The following TSPAN9 variants were observed in gnomAD, a reference collection of about 807,000 sequenced individuals.
TSPAN9 encodes the protein tetraspanin 9.
Under a neutral mutation model 31.0 loss-of-function variants are expected in TSPAN9, and 16 were observed. The observed-to-expected ratio is 0.52, with a 90% CI of 0.35 to 0.78. The LOEUF (loss-of-function observed/expected upper bound fraction) is 0.78. Among genes scored for constraint, TSPAN9 ranks in the 30% least tolerant of loss-of-function variants. The pLI, the probability that TSPAN9 is intolerant of heterozygous loss-of-function variation, is 0.01. For synonymous variants in TSPAN9, 145 were observed against 121.6 expected, an observed-to-expected ratio of 1.19 and a Z score of -1.27; for missense variants, 272 against 312.5, an observed-to-expected ratio of 0.87 and a Z score of 0.98.
chr12:3,095,616 GC>G, intron 2 of TSPAN9, among the ~76,000 whole-genome samples: 1 of 111,272 alleles, frequency 9.0e-6, no homozygotes, highest in East Asian at 2.6e-4. Context: ...GGGGCGGCTG[GC>G]CGGGCGGAGG....
At chr12:3,163,939 C>T (rs1436878317) in intron 2 of TSPAN9, among the ~76,000 whole-genome samples, 1 of 152,228 alleles carries the variant, frequency 6.6e-6, no homozygotes, top group Non-Finnish European at 1.5e-5. Context: ...GATTAGGCAG[C>T]TCTCTCTGTT....
At chr12:3,178,657 A>T (rs538651673) in intron 2 of TSPAN9, among the ~76,000 whole-genome samples, 1 of 152,154 alleles carries the variant, frequency 6.6e-6, no homozygotes, top group South Asian at 2.1e-4. Context: ...CTCCATAAAC[A>T]TCTCTTCTTC....
intron 2 of TSPAN9, among the ~76,000 whole-genome samples, chr12:3,092,198 A>T (rs2098305092): frequency 6.6e-6 from 1 of 152,066 alleles, no homozygotes; most frequent in South Asian, 2.1e-4. Context: ...AGAAGCGGAG[A>T]CCTGCCAGGC....
chr12:3,232,618 C>T (rs1210491362), intron 3 of TSPAN9, among the ~76,000 whole-genome samples: 3 of 152,238 alleles, frequency 2.0e-5, no homozygotes, highest in African/African-American at 7.2e-5. Context: ...CTTGCAGTTC[C>T]TACCTCTAGC....
intron 3 of TSPAN9, among the ~76,000 whole-genome samples, chr12:3,213,203 C>T (rs1591681193): frequency 6.6e-6 from 1 of 152,092 alleles, no homozygotes; most frequent in Non-Finnish European, 1.5e-5. Context: ...TGTGGCTGGG[C>T]GGGCAACCTG....
intron 2 of TSPAN9, among the ~76,000 whole-genome samples, chr12:3,120,587 A>G (rs2098324587): frequency 6.6e-6 from 1 of 151,544 alleles, no homozygotes. Flanking sequence ...TCATCTCTCT[A>G]CCTATTGATG....
intron 2 of TSPAN9, among the ~76,000 whole-genome samples, chr12:3,096,743 A>G (rs1565574194): frequency 6.6e-6 from 1 of 151,016 alleles, no homozygotes; most frequent in African/African-American, 2.4e-5. Context: ...TGTCGCCCGG[A>G]GTGCAATGGC....
At chr12:3,156,141 C>G (rs1203355094) in intron 2 of TSPAN9, among the ~76,000 whole-genome samples, 3 of 152,200 alleles carry the variant, frequency 2.0e-5, no homozygotes, top group Non-Finnish European at 4.4e-5. Flanking sequence ...AGCCTCCTCC[C>G]CAGCCTGTGT....
At chr12:3,100,831 A>G (rs1276711988) in intron 2 of TSPAN9, among the ~76,000 whole-genome samples, 1 of 152,240 alleles carries the variant, frequency 6.6e-6, no homozygotes, top group Non-Finnish European at 1.5e-5. Flanking sequence ...CTTTGAGTAC[A>G]AAGATGATAT....
rs945167545 is a variant in TSPAN9, at chr12:3,280,894, C to T, written c.433-304C>T. On this transcript the variant is annotated intron_variant, in intron 6 of 8. Transcript: ENST00000011898. The surrounding 1 kb of genome is among the most constrained non-coding windows in gnomAD (Gnocchi z 4.5). ...GGGTTGGGTGGCAGTCAGCTTGGGA[C>T]GGTTTACAGAAAGAGCAGAGGTGCT... Among the ~76,000 whole-genome samples, 3 of 151,884 alleles carry T rather than the reference C, an allele frequency of 2.0e-5. No individual in the cohort carries two copies. Among genetic ancestry groups the T allele is most frequent in the South Asian group, 2.1e-4 (1 of 4,808 alleles).
intron 2 of TSPAN9, among the ~76,000 whole-genome samples, chr12:3,161,605 T>C (rs1027511772): frequency 3.9e-5 from 6 of 152,118 alleles, no homozygotes; most frequent in African/African-American, 1.2e-4. Flanking sequence ...TCTTGGAAAA[T>C]GCCCTTTCCT....
At chr12:3,239,112 G>A (rs2098395297) in intron 3 of TSPAN9, among the ~76,000 whole-genome samples, 1 of 152,178 alleles carries the variant, frequency 6.6e-6, no homozygotes, top group South Asian at 2.1e-4. Flanking sequence ...AAGAGAGCAA[G>A]TGCACATTCC....
chr12:3,185,447 A>C (rs532030442), intron 2 of TSPAN9, among the ~76,000 whole-genome samples: 6 of 152,290 alleles, frequency 3.9e-5, no homozygotes, highest in African/African-American at 1.4e-4. Context: ...GGCGTGCCCA[A>C]TGCAGCTCCT....
chr12:3,178,127 C>G (rs2098356841), intron 2 of TSPAN9, among the ~76,000 whole-genome samples: 2 of 152,104 alleles, frequency 1.3e-5, no homozygotes, highest in African/African-American at 4.8e-5. Context: ...TTGTATCTGC[C>G]ATTCTTATCT....
intron 3 of TSPAN9, among the ~76,000 whole-genome samples, chr12:3,231,891 C>G (rs1026336291): frequency 4.6e-5 from 7 of 152,236 alleles, no homozygotes; most frequent in African/African-American, 1.7e-4. Flanking sequence ...GCTCCCTGTG[C>G]CTGGGCCTGG....
intron 3 of TSPAN9, among the ~76,000 whole-genome samples, chr12:3,225,005 T>G (rs1591688752): frequency 6.6e-6 from 1 of 152,222 alleles, no homozygotes; most frequent in Non-Finnish European, 1.5e-5. Flanking sequence ...CCACTGTGTG[T>G]GCAGCTGGTG....
At chr12:3,257,680 C>T (rs1213185552) in intron 3 of TSPAN9, among the ~76,000 whole-genome samples, 2 of 150,154 alleles carry the variant, frequency 1.3e-5, no homozygotes, top group Admixed American at 6.7e-5. Context: ...CAGAGGCAGC[C>T]TGCTGCCTGT....
intron 2 of TSPAN9, among the ~76,000 whole-genome samples, chr12:3,115,324 A>T (rs554013031): frequency 2.6e-5 from 4 of 152,310 alleles, no homozygotes; most frequent in African/African-American, 9.6e-5. Flanking sequence ...ATCTGTACCC[A>T]TTCGTCATTG....
chr12:3,243,155 C>G (rs2098397479), intron 3 of TSPAN9, among the ~76,000 whole-genome samples: 1 of 152,164 alleles, frequency 6.6e-6, no homozygotes, highest in Admixed American at 6.5e-5. Context: ...TCATAGGATG[C>G]CTTGGTTTCC....
Sources: allele counts gnomAD v4.1 joint callset (sites outside exome capture counted in the v4.1 genomes callset), GRCh38; gene constraint gnomAD v4.1.1; non-coding constraint Gnocchi (gnomAD v3.1); transcripts MANE v1.5; gene names NCBI Gene and HGNC (gene_info 2026-07-23, HGNC 2026-07-21).